Variants in IL1RAPL2 observed in about 807,000 individuals in gnomAD.
IL1RAPL2 encodes the protein X-linked interleukin-1 receptor accessory protein-like 2.
A neutral mutation model predicts 44.1 loss-of-function variants in IL1RAPL2; 3 were observed. The ratio of observed to expected loss-of-function variants is 0.07; its 90% CI spans 0.03 to 0.18. IL1RAPL2 has a LOEUF of 0.18. IL1RAPL2 is among the 10% of genes least tolerant of loss of function. The pLI is 1.00. For missense variants in IL1RAPL2, 391 were observed against 496.4 expected (o/e 0.79, Z 2.02); for synonymous variants, 181 against 178.8 (o/e 1.01, Z -0.10).
At chrX:105,113,080 T>A (rs6616567) in intron 2 of IL1RAPL2, among the ~76,000 whole-genome samples, 1 of 111,462 alleles carries the variant, frequency 9.0e-6, no homozygotes, top group South Asian at 3.8e-4. Context: ...TCTGTTGCAA[T>A]TGATACAGGG....
chrX:105,444,674 A>G (rs1033462445), intron 5 of IL1RAPL2, among the ~76,000 whole-genome samples: 1 of 111,242 alleles, frequency 9.0e-6, no homozygotes, highest in Non-Finnish European at 1.9e-5. Context: ...GTTACAGGAT[A>G]CAAGTGCAGA....
intron 1 of IL1RAPL2, among the ~76,000 whole-genome samples, chrX:104,600,399 T>C (rs1463616782): frequency 8.9e-6 from 1 of 111,841 alleles, no homozygotes; most frequent in African/African-American, 3.2e-5. Flanking sequence ...ACGTTCACTG[T>C]ACCTATTCAA....
intron 6 of IL1RAPL2, among the ~76,000 whole-genome samples, chrX:105,597,896 AT>A (rs889293694): frequency 9.0e-6 from 1 of 111,057 alleles, no homozygotes; most frequent in Non-Finnish European, 1.9e-5. Flanking sequence ...CAGTATGGAC[AT>A]TTTTTTTCAA....
At position 104,884,218 on chromosome X, in the gene IL1RAPL2, G is replaced by T. The variant is rs1382502543; in HGVS notation, c.82+225223G>T. Among the ~76,000 whole-genome samples the T allele has an allele frequency of 3.6e-5, 4 of 111,362 alleles. No individual in the cohort carries two copies. In the South Asian group the frequency reaches 1.5e-3, roughly 42 times the overall value. On this transcript the variant is annotated intron_variant, in intron 2 of 10. Transcript: ENST00000372582. ...GGCAAGGGTGCAAGTTTTTGAGAAT[G>T]CATCAGTAAGGGCCACTAAATCAGA...
chrX:104,946,501 G>C (rs1317638902), intron 2 of IL1RAPL2, among the ~76,000 whole-genome samples: 1 of 98,047 alleles, frequency 1.0e-5, no homozygotes, highest in Non-Finnish European at 2.0e-5. Flanking sequence ...TGCCATGCTG[G>C]TGTGCTGCAC....
intron 1 of IL1RAPL2, among the ~76,000 whole-genome samples, chrX:104,613,806 G>GTTTTT (rs60588678): frequency 1.1e-4 from 7 of 61,859 alleles, no homozygotes; most frequent in African/African-American, 1.3e-4. Flanking sequence ...TCCAGGGCAT[G>GTTTTT]TTTTTTTTTT....
chrX:105,402,550 A>G (rs954474743), intron 5 of IL1RAPL2, among the ~76,000 whole-genome samples: 2 of 111,269 alleles, frequency 1.8e-5, no homozygotes, highest in Non-Finnish European at 3.8e-5. Context: ...TGAAAATAGG[A>G]TGAAACAAAA....
intron 6 of IL1RAPL2, among the ~76,000 whole-genome samples, chrX:105,507,241 G>A (rs930031332): frequency 9.0e-6 from 1 of 111,662 alleles, no homozygotes; most frequent in African/African-American, 3.3e-5. Flanking sequence ...CATATATTCT[G>A]TAAATTACAA....
At chrX:105,763,145 A>T (rs912839364) in intron 10 of IL1RAPL2, among the ~76,000 whole-genome samples, 23 of 112,021 alleles carry the variant, frequency 2.1e-4, no homozygotes, top group African/African-American at 7.5e-4. Context: ...AGGTCCAGAT[A>T]GTAAATATTT....
At chrX:105,251,436 A>G (rs1208124570) in intron 4 of IL1RAPL2, among the ~76,000 whole-genome samples, 2 of 111,016 alleles carry the variant, frequency 1.8e-5, no homozygotes, top group African/African-American at 3.3e-5. Context: ...AGAATTTTCA[A>G]AGACATATTT....
chrX:105,257,409 T>G (rs1448425548), intron 4 of IL1RAPL2, among the ~76,000 whole-genome samples: 1 of 111,999 alleles, frequency 8.9e-6, no homozygotes, highest in Non-Finnish European at 1.9e-5. Flanking sequence ...GAATATATAT[T>G]CTGTTGTTTT....
Position 104,585,299 on chromosome X carries a change from T to A in IL1RAPL2, c.-20+18248T>A, listed in dbSNP as rs865934284. Among the ~76,000 whole-genome samples the A allele has an allele frequency of 2.5e-3, 55 of 22,386 alleles. 1 individual carries two copies. The highest frequency in any genetic ancestry group is 6.4e-3 in the African/African-American group (22 of 3,433). The allele number at this position is 22,386 out of a possible 115,157, so 19.4% of individuals were successfully genotyped here. On this transcript the variant is annotated intron_variant, in intron 1 of 10. Transcript: ENST00000372582. ...TATATATTATATAATATATTATATA[T>A]TATATATTATATAATATATATTATA...
At chrX:105,197,213 A>G (rs1396207987) in intron 3 of IL1RAPL2, among the ~76,000 whole-genome samples, 1 of 110,617 alleles carries the variant, frequency 9.0e-6, no homozygotes, top group African/African-American at 3.3e-5. Context: ...ATTTTCTCCT[A>G]CTTGGGCAGC....
At chrX:104,761,251 C>T (rs1318835368) in intron 2 of IL1RAPL2, among the ~76,000 whole-genome samples, 4 of 111,250 alleles carry the variant, frequency 3.6e-5, no homozygotes, top group African/African-American at 9.8e-5. Flanking sequence ...GAAGGGGAAG[C>T]AAACATATCC....
At chrX:105,299,322 T>G (rs746285013) in intron 5 of IL1RAPL2, among the ~76,000 whole-genome samples, 2 of 111,447 alleles carry the variant, frequency 1.8e-5, no homozygotes, top group African/African-American at 3.3e-5. Flanking sequence ...AAACATCAGG[T>G]TGTAGCAGAG....
intron 2 of IL1RAPL2, among the ~76,000 whole-genome samples, chrX:105,038,168 C>T (rs1319218315): frequency 9.0e-6 from 1 of 110,939 alleles, no homozygotes; most frequent in Non-Finnish European, 1.9e-5. Context: ...CTTCAATCCA[C>T]TCTATTCTGT....
At chrX:104,627,003 G>C (rs1302359051) in intron 1 of IL1RAPL2, among the ~76,000 whole-genome samples, 1 of 108,913 alleles carries the variant, frequency 9.2e-6, no homozygotes, top group African/African-American at 3.3e-5. Context: ...ATTTTTAGTA[G>C]AGACGTGGTT....
chrX:104,882,577 C>G (rs907257226), intron 2 of IL1RAPL2, among the ~76,000 whole-genome samples: 7 of 111,289 alleles, frequency 6.3e-5, no homozygotes, highest in African/African-American at 2.3e-4. Flanking sequence ...TTTGTAAATG[C>G]ACCAATCAGC....
intron 5 of IL1RAPL2, among the ~76,000 whole-genome samples, chrX:105,416,151 CTT>C (rs769582240): frequency 8.0e-5 from 9 of 111,830 alleles, no homozygotes; most frequent in African/African-American, 2.9e-4. Context: ...TAAAATCAGA[CTT>C]GAGACAGCAT....
Sources: gnomAD v4.1 joint callset for allele counts (sites outside exome capture counted in the v4.1 genomes callset) on GRCh38, gnomAD v4.1.1 for gene constraint, MANE v1.5 for transcripts, NCBI Gene and HGNC (gene_info 2026-07-23, HGNC 2026-07-21) for gene names.